The following LANCL2 variants were observed in gnomAD, a reference collection of about 807,000 sequenced individuals.
LANCL2 encodes the protein LanC like glutathione S-transferase 2.
A neutral mutation model predicts 56.9 loss-of-function variants in LANCL2; 33 were observed. That is an observed-to-expected ratio of 0.58 (90% CI 0.44 to 0.78). The LOEUF (loss-of-function observed/expected upper bound fraction) is 0.78, where lower values mean the gene tolerates loss of function less well. LANCL2 is among the 30% of genes least tolerant of loss of function. The probability of loss-of-function intolerance (pLI) is 0.00; values close to 1 mark genes in which losing one functional copy is unlikely to be tolerated. For missense variants in LANCL2, 562 were observed against 580.2 expected (o/e 0.97, Z 0.32); for synonymous variants, 233 against 228.2 (o/e 1.02, Z -0.19).
chr7:55,375,918 C>T (rs1349471514), intron 1 of LANCL2, among the ~76,000 whole-genome samples: 4 of 152,186 alleles, frequency 2.6e-5, no homozygotes, highest in African/African-American at 7.2e-5. Context: ...TTACAGCAGC[C>T]GCAGATCAAG....
At chr7:55,418,920 T>C (rs185685132) in intron 6 of LANCL2, among the ~76,000 whole-genome samples, 4 of 152,286 alleles carry the variant, frequency 2.6e-5, no homozygotes, top group Non-Finnish European at 5.9e-5. Flanking sequence ...TGATTTTACA[T>C]TGATTGGTTT....
At chr7:55,428,171 A>G in intron 7 of LANCL2, 1 of 597,870 alleles carries the variant, frequency 1.7e-6, no homozygotes, top group Non-Finnish European at 3.0e-6. Flanking sequence ...GGCAGACCCC[A>G]CTCTACAGCT....
At chr7:55,402,868 A>G (rs1790357074) in intron 5 of LANCL2, among the ~76,000 whole-genome samples, 1 of 148,236 alleles carries the variant, frequency 6.7e-6, no homozygotes, top group African/African-American at 2.5e-5. Flanking sequence ...CGCTCCCCAC[A>G]TCTCAGACGA....
At chr7:55,377,799 T>G (rs146787196) in intron 1 of LANCL2, among the ~76,000 whole-genome samples, 81 of 152,334 alleles carry the variant, frequency 5.3e-4, no homozygotes, top group African/African-American at 1.8e-3. Flanking sequence ...AATCTCAGAA[T>G]CAAGAGATAA....
chr7:55,376,233 G>A (rs1371427174), intron 1 of LANCL2, among the ~76,000 whole-genome samples: 7 of 152,120 alleles, frequency 4.6e-5, no homozygotes, highest in African/African-American at 1.7e-4. Flanking sequence ...TCTCTCCTGT[G>A]CTTCATAGTT....
At chr7:55,377,999 C>T (rs1394632472) in intron 1 of LANCL2, among the ~76,000 whole-genome samples, 1 of 152,224 alleles carries the variant, frequency 6.6e-6, no homozygotes, top group African/African-American at 2.4e-5. Context: ...TAGAAGTAGA[C>T]AGTCTAGTCA....
intron 5 of LANCL2, among the ~76,000 whole-genome samples, 195 bp downstream of exon 5, chr7:55,401,515 C>CT (rs58005456): frequency 0.014 from 806 of 58,016 alleles, 57 homozygotes; most frequent in African/African-American, 0.051. Context: ...GGTATGGAGT[C>CT]TTTTTTTTTT....
At chr7:55,392,901 A>G (rs1222073290) in intron 2 of LANCL2, among the ~76,000 whole-genome samples, 1 of 152,120 alleles carries the variant, frequency 6.6e-6, no homozygotes, top group African/African-American at 2.4e-5. Flanking sequence ...GGCTGTGGTG[A>G]GTGGTCTCTC....
At chr7:55,412,742 A>C (rs1790485101) in intron 6 of LANCL2, among the ~76,000 whole-genome samples, 1 of 152,236 alleles carries the variant, frequency 6.6e-6, no homozygotes, top group African/African-American at 2.4e-5. Context: ...TGTATTTAAC[A>C]CATCTGTGTT....
chr7:55,381,412 G>A (rs995810660), intron 1 of LANCL2, among the ~76,000 whole-genome samples: 15 of 152,182 alleles, frequency 9.9e-5, no homozygotes, highest in African/African-American at 3.6e-4. Context: ...GTCTGTGTAC[G>A]TATCCAATCA....
intron 1 of LANCL2, among the ~76,000 whole-genome samples, chr7:55,387,473 GTGGGACACAGCAAAC>G (rs1212825897): frequency 3.3e-5 from 5 of 151,732 alleles, no homozygotes; most frequent in African/African-American, 7.3e-5. Context: ...GCTGAACGCA[GTGGGACACAGCAAAC>G]TGGGACACAG....
At chr7:55,384,475 C>G (rs1790103437) in intron 1 of LANCL2, among the ~76,000 whole-genome samples, 1 of 152,092 alleles carries the variant, frequency 6.6e-6, no homozygotes, top group African/African-American at 2.4e-5. Context: ...TGGCGTGAAC[C>G]TGGGAGGCGG....
chr7:55,370,303 C>G (rs1191963341), intron 1 of LANCL2, among the ~76,000 whole-genome samples: 1 of 152,194 alleles, frequency 6.6e-6, no homozygotes, highest in Non-Finnish European at 1.5e-5. Context: ...AAGCTGCAGT[C>G]ATTGTATTTA....
At chr7:55,427,074 G>A (rs146988951) in intron 7 of LANCL2, among the ~76,000 whole-genome samples, 18 of 152,312 alleles carry the variant, frequency 1.2e-4, no homozygotes, top group African/African-American at 2.4e-4. Flanking sequence ...TCCTGACTCC[G>A]TAAGCACTTC....
At chr7:55,402,433 C>T (rs1254127442) in intron 5 of LANCL2, among the ~76,000 whole-genome samples, 4 of 126,840 alleles carry the variant, frequency 3.2e-5, no homozygotes, top group Non-Finnish European at 6.9e-5. Flanking sequence ...GGGCTGACCC[C>T]ACCACCTCCC....
At chr7:55,421,099 C>T (rs1790603050) in intron 6 of LANCL2, among the ~76,000 whole-genome samples, 2 of 152,192 alleles carry the variant, frequency 1.3e-5, no homozygotes, top group Non-Finnish European at 2.9e-5. Flanking sequence ...TTTTTGCTTT[C>T]AACCTGTATG....
chr7:55,416,677 C>A (rs1790543432), intron 6 of LANCL2, among the ~76,000 whole-genome samples: 1 of 151,982 alleles, frequency 6.6e-6, no homozygotes, highest in Non-Finnish European at 1.5e-5. Flanking sequence ...TGGTTAAAGT[C>A]CCTCTGTCAG....
chr7:55,393,333 G>GA (rs1790213267), intron 2 of LANCL2, among the ~76,000 whole-genome samples: 1 of 152,166 alleles, frequency 6.6e-6, no homozygotes, highest in Non-Finnish European at 1.5e-5. Context: ...AGGAGTTCAA[G>GA]ACCAGCCTGG....
At chr7:55,377,811 A>AC (rs985216401) in intron 1 of LANCL2, among the ~76,000 whole-genome samples, 2 of 152,136 alleles carry the variant, frequency 1.3e-5, no homozygotes, top group African/African-American at 4.8e-5. Context: ...AAGAGATAAA[A>AC]CCTCCAAAAT....
Sources: gnomAD v4.1 joint callset for allele counts (sites outside exome capture counted in the v4.1 genomes callset) on GRCh38, gnomAD v4.1.1 for gene constraint, MANE v1.5 for transcripts, NCBI Gene and HGNC (gene_info 2026-07-23, HGNC 2026-07-21) for gene names.